The following FRY variants were observed in gnomAD, a reference collection of about 807,000 sequenced individuals.
The protein encoded by FRY is FRY microtubule binding protein, also known as protein furry homolog.
In FRY, 128 loss-of-function variants were observed where a neutral mutation model predicts 348.4. The observed-to-expected ratio is 0.37, with a 90% confidence interval of 0.32 to 0.43. FRY has a LOEUF of 0.43. FRY is among the 20% of genes least tolerant of loss of function. The probability of loss-of-function intolerance (pLI) is 1.00; values close to 1 mark genes in which losing one functional copy is unlikely to be tolerated. For synonymous variants in FRY, 1,370 were observed against 1,374.7 expected (o/e 1.00, Z 0.08); for missense variants, 2,736 against 3,695.2 (o/e 0.74, Z 6.73).
intron 1 of FRY, among the ~76,000 whole-genome samples, chr13:32,048,788 A>T (rs1022941540): frequency 5.9e-5 from 9 of 152,108 alleles, no homozygotes; most frequent in Non-Finnish European, 1.2e-4. Flanking sequence ...GAAAAAAAAA[A>T]TCTGAATATA....
At chr13:32,263,529 AAAAAAAC>A (rs1417263022) in intron 53 of FRY, among the ~76,000 whole-genome samples, 33 of 152,270 alleles carry the variant, frequency 2.2e-4, no homozygotes, top group African/African-American at 7.9e-4. Flanking sequence ...TAGCCAAAAG[AAAAAAAC>A]AAAAAACAAA....
chr13:32,151,254 G>A lies in FRY; in HGVS notation c.1479+1420G>A, dbSNP rs139664143. 6.9e-3 allele frequency among the ~76,000 whole-genome samples: 1,048 copies of A among 152,318 alleles called. 12 individuals carry two copies. The highest frequency in any genetic ancestry group is 0.024 in the African/African-American group (1,006 of 41,574). ...TTCTCAAACTCCTCATTCAGTCAGT[G>A]CGTAATTAGTTAACCTCTCTGTGTA... is the stretch of plus-strand genomic sequence containing the variant. On this transcript the variant is annotated intron_variant, in intron 14 of 60. Coordinates refer to ENST00000542859, the MANE Select transcript of FRY (RefSeq NM_023037.3).
intron 1 of FRY, among the ~76,000 whole-genome samples, chr13:32,048,442 A>G (rs1033047432): frequency 1.3e-5 from 2 of 152,236 alleles, no homozygotes; most frequent in Non-Finnish European, 2.9e-5. Flanking sequence ...CATGAAAAGA[A>G]AAGTGTAGAG....
chr13:32,094,985 CT>C (rs1876591433), intron 2 of FRY, among the ~76,000 whole-genome samples: 1 of 152,160 alleles, frequency 6.6e-6, no homozygotes, highest in South Asian at 2.1e-4. Context: ...TGAAGGTTCC[CT>C]TTTCTCCATA....
intron 17 of FRY, among the ~76,000 whole-genome samples, chr13:32,166,429 T>A (rs1468687894): frequency 6.6e-6 from 1 of 152,226 alleles, no homozygotes; most frequent in Non-Finnish European, 1.5e-5. Context: ...GGAGATCTAA[T>A]AGGATTTGTA....
At chr13:32,184,875 T>G (rs1258991830) in intron 25 of FRY, 101 bp from the exon 26 acceptor site, 30 of 1,130,940 alleles carry the variant, frequency 2.7e-5, no homozygotes, top group Non-Finnish European at 3.9e-5. Flanking sequence ...AGGAACAACT[T>G]TAGTGTGTGA....
intron 43 of FRY, 86 bp downstream of exon 43, chr13:32,236,258 G>A (rs1886221164): frequency 9.9e-7 from 1 of 1,008,728 alleles, no homozygotes; most frequent in South Asian, 1.3e-5. Flanking sequence ...AAAGTACAAA[G>A]AAAAAATCTA....
intron 1 of FRY, among the ~76,000 whole-genome samples, chr13:32,070,344 G>T (rs896409066): frequency 6.6e-6 from 1 of 152,176 alleles, no homozygotes; most frequent in Admixed American, 6.5e-5. Flanking sequence ...CAATGTAAAA[G>T]CGTTCCTATT....
chr13:32,188,070 T>C (rs372953120), intron 28 of FRY, among the ~76,000 whole-genome samples: 8 of 152,280 alleles, frequency 5.3e-5, no homozygotes, highest in Admixed American at 2.6e-4. Context: ...ATCCTAAACT[T>C]GTGGGCTGTA....
At chr13:32,047,108 T>C (rs384765) in intron 1 of FRY, among the ~76,000 whole-genome samples, 70,001 of 152,162 alleles carry the variant, frequency 0.46, 18,443 homozygotes, top group South Asian at 0.58. Context: ...TAAATATGTT[T>C]ATCTATATAT....
rs759245402 is a variant in FRY, at chr13:32,208,949, G to A, written c.4115G>A (p.Ser1372Asn). 6.2e-7 allele frequency: 1 copy of A among 1,614,188 alleles called. No individual in the cohort carries two copies. The highest frequency in any genetic ancestry group is 1.1e-5 in the South Asian group (1 of 91,084). Residue 1372 changes from serine (S) to asparagine (N), a missense_variant, in exon 32 of 61, where the codon AGC becomes AAC. By Grantham distance (46) the Ser-to-Asn change is conservative. This residue lies in a region of FRY where 794 missense variants were observed against 977.0 expected (regional missense o/e 0.81). Transcript: ENST00000542859. ...PWLHNIELVD[S>N]RLLLPGSSPS... The stretch of plus-strand genomic sequence containing the variant: ...CTGCACAACATCGAGCTGGTGGACA[G>A]CAGGCTCCTCCTCCCGGGGTCGAGC...
At position 32,209,024 on chromosome 13, in the gene FRY, C is replaced by T. The variant is rs762648385; in HGVS notation, c.4190C>T (p.Ala1397Val). The T allele has an allele frequency of 1.9e-6, 3 of 1,614,084 alleles. No individual in the cohort carries two copies. The highest frequency in any genetic ancestry group is 2.2e-5 in the East Asian group (1 of 44,902). Residue 1397 changes from alanine to valine, a missense_variant, in exon 32 of 61, where the codon GCT (alanine) becomes GTT (valine). Coordinates refer to ENST00000542859, the MANE Select transcript of FRY (RefSeq NM_023037.3). ...EVKDREGDVTASHGLRGNGWG... is the reference protein window; with the variant it reads ...EVKDREGDVTVSHGLRGNGWG... ...AAGGACCGGGAAGGTGACGTGACTGCTTCTCACGGGCTGAGAGGAAATGGC... is the reference window on the plus strand; with the variant it reads ...AAGGACCGGGAAGGTGACGTGACTGTTTCTCACGGGCTGAGAGGAAATGGC...
intron 55 of FRY, among the ~76,000 whole-genome samples, chr13:32,270,309 G>A (rs1166833761): frequency 6.6e-6 from 1 of 151,274 alleles, no homozygotes; most frequent in East Asian, 1.9e-4. Context: ...CCAGGTTCAA[G>A]CGATTCTCCT....
intron 1 of FRY, among the ~76,000 whole-genome samples, chr13:32,034,706 C>G (rs1192036610): frequency 6.6e-6 from 1 of 152,176 alleles, no homozygotes; most frequent in Non-Finnish European, 1.5e-5. Flanking sequence ...TCAAAGGCTG[C>G]TCCCCAGCTC....
chr13:32,249,867 A>G (rs1007269477), intron 49 of FRY, among the ~76,000 whole-genome samples, 180 bp downstream of exon 49: 2 of 152,152 alleles, frequency 1.3e-5, no homozygotes, highest in East Asian at 3.9e-4. Context: ...ACAGTTCATC[A>G]CCTTGAGTTG....
At chr13:32,147,744 G>C in intron 12 of FRY, 95 bp from the exon 13 acceptor site, 1 of 797,952 alleles carries the variant, frequency 1.3e-6, no homozygotes, top group South Asian at 1.4e-5. Context: ...AATTCTCTCT[G>C]ATTCTTAGAT....
intron 7 of FRY, among the ~76,000 whole-genome samples, chr13:32,126,398 A>G (rs1879020324): frequency 6.6e-6 from 1 of 152,264 alleles, no homozygotes; most frequent in South Asian, 2.1e-4. Flanking sequence ...AAACACTGTC[A>G]TAACTGAGCA....
At chr13:32,214,171 A>G (rs1029951930) in intron 35 of FRY, among the ~76,000 whole-genome samples, 1 of 152,226 alleles carries the variant, frequency 6.6e-6, no homozygotes, top group African/African-American at 2.4e-5. Context: ...TTTCTATGAA[A>G]GTAGGCTGTG....
chr13:32,284,911 T>C (rs17077384), intron 58 of FRY, among the ~76,000 whole-genome samples: 24,339 of 152,200 alleles, frequency 0.16, 2,639 homozygotes, highest in African/African-American at 0.3. Flanking sequence ...AACCCAGATA[T>C]GGCTATGCTA....
Sources: allele counts gnomAD v4.1 joint callset (sites outside exome capture counted in the v4.1 genomes callset), GRCh38; gene constraint gnomAD v4.1.1; regional missense constraint gnomAD v4.1.1; transcripts MANE v1.5; gene names NCBI Gene and HGNC (gene_info 2026-07-23, HGNC 2026-07-21).